KRT9: variants seen among roughly 807,000 people sequenced by gnomAD.
The protein encoded by KRT9 is keratin, type I cytoskeletal 9.
In KRT9, 34 loss-of-function variants were observed where a neutral mutation model predicts 51.4. That is an observed-to-expected ratio of 0.66 (90% CI 0.50 to 0.88). The LOEUF (loss-of-function observed/expected upper bound fraction) is 0.88. Ranked by LOEUF, KRT9 falls within the 40% of genes least tolerant of loss-of-function variation. The pLI is 0.00. For synonymous variants in KRT9, 292 were observed against 289.7 expected, an observed-to-expected ratio of 1.01 and a Z score of -0.08; for missense variants, 753 against 790.3, an observed-to-expected ratio of 0.95 and a Z score of 0.57.
chr17:41,571,521 G>T lies in KRT9; in HGVS notation c.472C>A (p.Gln158Lys). ...ILTANEKSTM[Q>K]ELNSRLASYL... ...GAGGCCAGCCGAGAATTGAGTTCCT[G>T]CATGGTGCTCTTCTCATTAGCAGTC... is the stretch of plus-strand genomic sequence containing the variant. Residue 158 changes from glutamine (Q) to lysine (K), a missense_variant, in exon 1 of 8, where the codon CAG becomes AAG. Gln to Lys is a moderately conservative substitution (Grantham distance 53). Coordinates refer to ENST00000246662, the MANE Select transcript of KRT9 (RefSeq NM_000226.4). 1 of 1,613,812 alleles carries T rather than the reference G, an allele frequency of 6.2e-7. No homozygotes were observed. Among genetic ancestry groups the T allele is most frequent in the Non-Finnish European group, 8.5e-7 (1 of 1,179,962 alleles).
At chr17:41,569,768 T>A (rs978656441) in intron 3 of KRT9, 91 bp downstream of exon 3, 13 of 1,533,224 alleles carry the variant, frequency 8.5e-6, no homozygotes, top group African/African-American at 2.7e-5. Context: ...AAGGAGAGGG[T>A]GTCTCCCAGG....
Position 41,570,003 on chromosome 17 carries a change from C to T in KRT9, c.738G>A (p.Glu246=), listed in dbSNP as rs1023135514. The T allele has an allele frequency of 9.9e-6, 16 of 1,614,160 alleles. No homozygotes were observed. Among genetic ancestry groups the T allele is most frequent in the Non-Finnish European group, 1.3e-5 (15 of 1,180,028 alleles). Residue 246 remains glutamate (E), a synonymous_variant, in exon 3 of 8, where the codon GAG becomes GAA. Transcript: ENST00000246662. ...CATCCACTCCTTGCCGCAGGTTTTG[C>T]TCCATCTCAAACCTGCAGACCAGCC... is the stretch of plus-strand genomic sequence containing the variant. ...LDDFRIKFEM[E]QNLRQGVDAD... is the part of the protein sequence containing the mutation.
chr17:41,569,409 C>A lies in KRT9; in HGVS notation c.1044+17G>T. On this transcript the variant is annotated intron_variant, in intron 4 of 7. Transcript: ENST00000246662. ...GATGGAGGGGAGGAGGATGAATGGG[C>A]AGCCCACTCTGCTCACCTGAGTCTC... 1 of 1,612,336 alleles carries A rather than the reference C, an allele frequency of 6.2e-7. No homozygotes were observed.
chr17:41,567,118 T>C, intron 7 of KRT9, 115 bp downstream of exon 7: 1 of 1,516,528 alleles, frequency 6.6e-7, no homozygotes, highest in East Asian at 2.3e-5. Flanking sequence ...ACTAGAGATT[T>C]CCCTAACATC....
intron 7 of KRT9, 146 bp from the exon 8 acceptor site, chr17:41,566,298 T>A: frequency 6.5e-6 from 1 of 153,042 alleles, no homozygotes. Context: ...AGAAGGACCC[T>A]GGGGTCTCCC....
chr17:41,570,282 G>T (rs1452069183), intron 1 of KRT9, 62 bp from the exon 2 acceptor site: 2 of 1,345,022 alleles, frequency 1.5e-6, no homozygotes, highest in Admixed American at 1.7e-5. Context: ...AGGGCAAGAG[G>T]CCAGGCAAAG....
rs867564871 is a variant in KRT9 at position 41,567,428 on chromosome 17, C to A, written c.1717G>T (p.Gly573Cys). 2 of 1,562,782 alleles carry A rather than the reference C, an allele frequency of 1.3e-6. No homozygotes were observed. Among genetic ancestry groups the A allele is most frequent in the Non-Finnish European group, 1.7e-6 (2 of 1,153,096 alleles). ...GSGGGSGGGY[G>C]GGSGSRGGSG... ...CCTCCCCTGGACCCACTTCCTCCACCATAGCCACCCCCACTTCCTCCTCCA... is the reference window on the plus strand; with the variant it reads ...CCTCCCCTGGACCCACTTCCTCCACAATAGCCACCCCCACTTCCTCCTCCA... Residue 573 changes from glycine to cysteine, a missense_variant, in exon 7 of 8, where the codon GGT becomes TGT. Gly to Cys is a radical substitution (Grantham distance 159). This residue lies in a region of KRT9 where 507 missense variants were observed against 563.7 expected (regional missense o/e 0.90). Transcript: ENST00000246662.
chr17:41,568,376 G>A lies in KRT9; in HGVS notation c.1180C>T (p.Leu394=). Residue 394 remains leucine, a synonymous_variant, in exon 6 of 8, where the codon CTG becomes TTG. Transcript: ENST00000246662. The part of the protein sequence containing the change: ...LQSQLSKKAA[L]EKSLEDTKNR... ...TTCGTGTCTTCCAAGCTCTTCTCCA[G>A]AGCTGCTTTCTAAGGGTTAGGAGAA... The A allele has an allele frequency of 6.2e-7, 1 of 1,614,140 alleles. No individual in the cohort carries two copies. Among genetic ancestry groups the A allele is most frequent in the Non-Finnish European group, 8.5e-7 (1 of 1,180,012 alleles).
Position 41,568,301 on chromosome 17 carries a change from A to C in KRT9, c.1255T>G (p.Leu419Val). 1 of 1,614,160 alleles carries C rather than the reference A, an allele frequency of 6.2e-7. No individual in the cohort carries two copies. Among genetic ancestry groups the C allele is most frequent in the Middle Eastern group, 1.7e-4 (1 of 6,060 alleles). Residue 419 changes from leucine to valine, a missense_variant, in exon 6 of 8, where the codon TTG (leucine) becomes GTG (valine). Physicochemically the swap from Leu to Val is conservative, Grantham distance 32. Coordinates refer to ENST00000246662, the MANE Select transcript of KRT9 (RefSeq NM_000226.4). ...CGGACGTCAGTGATCTGGGCCTCCA[A>C]GTTACTGATCTGCTCCTGGATCATC... ...LQMIQEQISN[L>V]EAQITDVRQE...
Position 41,571,498 on chromosome 17 carries a change from G to A in KRT9, c.495C>T (p.Ala165=). 6.2e-7 allele frequency: 1 copy of A among 1,613,976 alleles called. No homozygotes were observed. Among genetic ancestry groups the A allele is most frequent in the Non-Finnish European group, 8.5e-7 (1 of 1,180,000 alleles). Residue 165 remains alanine, a synonymous_variant, in exon 1 of 8, where the codon GCC becomes GCT. Coordinates refer to ENST00000246662, the MANE Select transcript of KRT9 (RefSeq NM_000226.4). ...GAGCCTGCACCTTATCCAAGTAAGAGGCCAGCCGAGAATTGAGTTCCTGCA... is the reference window on the plus strand; with the variant it reads ...GAGCCTGCACCTTATCCAAGTAAGAAGCCAGCCGAGAATTGAGTTCCTGCA... ...STMQELNSRL[A]SYLDKVQALE...
rs369953598 is a variant in KRT9, at chr17:41,569,908, T to C, written c.833A>G (p.Tyr278Cys). The change falls in exon 3 of 8, where the codon TAT (tyrosine) becomes TGT (cysteine). Residue 278 changes from tyrosine to cysteine, a missense_variant. Transcript: ENST00000246662. Reference protein sequence around the residue: ...TMEKSDLEMQYETLQEELMAL... With the variant: ...TMEKSDLEMQCETLQEELMAL... ...CATCAGCTCCTCCTGCAGAGTCTCA[T>C]ACTGCATCTCCAGGTCAGACTTCTC... 2 of 1,614,076 alleles carry C rather than the reference T, an allele frequency of 1.2e-6. No individual in the cohort carries two copies. The highest frequency in any genetic ancestry group is 1.3e-5 in the African/African-American group (1 of 74,934).
In KRT9 at chr17:41,569,468, A is replaced by G. The variant is rs746295720; in HGVS notation, c.1002T>C (p.Ile334=). Reference sequence around the variant, plus strand: ...TCTCGATGTCCTTTCTGTTCTTAGCAATGAGCTGCTCATACTCCTGACGCA... The same window carrying G: ...TCTCGATGTCCTTTCTGTTCTTAGCGATGAGCTGCTCATACTCCTGACGCA... ...NDMRQEYEQL[I]AKNRKDIENQ... Residue 334 remains isoleucine (I), a synonymous_variant, in exon 4 of 8, where the codon ATT becomes ATC. Transcript: ENST00000246662. 1 of 1,614,110 alleles carries G rather than the reference A, an allele frequency of 6.2e-7. No individual in the cohort carries two copies. The highest frequency in any genetic ancestry group is 1.7e-5 in the Admixed American group (1 of 60,012).
chr17:41,571,915 G>T lies in KRT9; in HGVS notation c.78C>A (p.Gly26=). ...AGCGGCTGTAGGAAGACCTTATGCT[G>T]CCCCCGCTGCCCAGGCCGCCCCCGC... ...GGGGGGLGSG[G]SIRSSYSRFS... The change falls in exon 1 of 8, where the codon GGC becomes GGA. Residue 26 remains glycine, a synonymous_variant. Coordinates refer to ENST00000246662, the MANE Select transcript of KRT9 (RefSeq NM_000226.4). 1.3e-6 allele frequency: 2 copies of T among 1,591,190 alleles called. No homozygotes were observed. Among genetic ancestry groups the T allele is most frequent in the Non-Finnish European group, 1.7e-6 (2 of 1,169,498 alleles).
chr17:41,569,476 G>A lies in KRT9; in HGVS notation c.994C>T (p.Gln332Ter). The A allele has an allele frequency of 6.2e-7, 1 of 1,614,180 alleles. No homozygotes were observed. The highest frequency in any genetic ancestry group is 8.5e-7 in the Non-Finnish European group (1 of 1,180,034). The part of the protein sequence containing the change: ...TLNDMRQEYE[Q>*]LIAKNRKDIE... ...TCCTTTCTGTTCTTAGCAATGAGCTGCTCATACTCCTGACGCATGTCATTG... is the reference window on the plus strand; with the variant it reads ...TCCTTTCTGTTCTTAGCAATGAGCTACTCATACTCCTGACGCATGTCATTG... The change falls in exon 4 of 8, where the codon CAG becomes TAG. Residue 332 changes from glutamine to a stop codon, truncating the protein, a stop_gained. Coordinates refer to ENST00000246662, the MANE Select transcript of KRT9 (RefSeq NM_000226.4). LOFTEE classifies it high-confidence loss of function.
Position 41,569,493 on chromosome 17 carries a change from A to G in KRT9, c.977T>C (p.Met326Thr), listed in dbSNP as rs1384116541. ...AATGAGCTGCTCATACTCCTGACGCATGTCATTGAGGGTCTTGGTGAGATC... is the reference window on the plus strand; with the variant it reads ...AATGAGCTGCTCATACTCCTGACGCGTGTCATTGAGGGTCTTGGTGAGATC... ...GKDLTKTLND[M>T]RQEYEQLIAK... is the part of the protein sequence containing the mutation. The change falls in exon 4 of 8, where the codon ATG (methionine) becomes ACG (threonine). Residue 326 changes from methionine to threonine, a missense_variant. By Grantham distance (81) the Met-to-Thr change is moderately conservative. This residue lies in a region of KRT9 where 507 missense variants were observed against 563.7 expected (regional missense o/e 0.90). Coordinates refer to ENST00000246662, the MANE Select transcript of KRT9 (RefSeq NM_000226.4). 1 of 1,614,174 alleles carries G rather than the reference A, an allele frequency of 6.2e-7. No individual in the cohort carries two copies. The highest frequency in any genetic ancestry group is 1.7e-5 in the Admixed American group (1 of 60,016).
chr17:41,570,556 C>T (rs879368764), intron 1 of KRT9, among the ~76,000 whole-genome samples: 1 of 152,120 alleles, frequency 6.6e-6, no homozygotes, highest in Non-Finnish European at 1.5e-5. Context: ...GGAGAGGTGG[C>T]TTATGGCAAT....
At chr17:41,569,040 G>A (rs1906980816) in intron 4 of KRT9, among the ~76,000 whole-genome samples, 1 of 152,046 alleles carries the variant, frequency 6.6e-6, no homozygotes, top group South Asian at 2.1e-4. Context: ...AAGGAGCTCA[G>A]TACAGTATGG....
Position 41,567,377 on chromosome 17 carries a change from T to C in KRT9, c.1768A>G (p.Ser590Gly). 2 of 1,608,364 alleles carry C rather than the reference T, an allele frequency of 1.2e-6. No homozygotes were observed. The highest frequency in any genetic ancestry group is 1.1e-5 in the South Asian group (1 of 90,546). ...CCTCCACTTTCACCTCCAAAACCAC[T>C]TCCTCCACCATGGCTGCCTCCACTT... ...GGSGGSHGGG[S>G]GFGGESGGSY... Residue 590 changes from serine (S) to glycine (G), a missense_variant, in exon 7 of 8, where the codon AGT becomes GGT. Ser to Gly is a moderately conservative substitution (Grantham distance 56). This residue lies in a region of KRT9 where 507 missense variants were observed against 563.7 expected (regional missense o/e 0.90). Coordinates refer to ENST00000246662, the MANE Select transcript of KRT9 (RefSeq NM_000226.4).
chr17:41,568,478 T>G, intron 5 of KRT9, 30 bp downstream of exon 5: 1 of 1,614,132 alleles, frequency 6.2e-7, no homozygotes, highest in Non-Finnish European at 8.5e-7. Context: ...TGCCCCACCT[T>G]GGCAAAGGGT....
Sources: allele counts gnomAD v4.1 joint callset (sites outside exome capture counted in the v4.1 genomes callset), GRCh38; gene constraint gnomAD v4.1.1; regional missense constraint gnomAD v4.1.1; transcripts MANE v1.5; gene names NCBI Gene and HGNC (gene_info 2026-07-23, HGNC 2026-07-21).